The following TUSC3 variants were observed in gnomAD, a reference collection of about 807,000 sequenced individuals.
TUSC3 encodes the protein tumor suppressor candidate 3.
A neutral mutation model predicts 44.8 loss-of-function variants in TUSC3; 45 were observed. That is an observed-to-expected ratio of 1.00 (90% confidence interval 0.79 to 1.29). The LOEUF (loss-of-function observed/expected upper bound fraction) is 1.29, where lower values mean the gene tolerates loss of function less well. TUSC3 is among the 50% of genes most tolerant of loss of function. TUSC3 has a pLI of 0.00. For missense variants in TUSC3, 519 were observed against 437.9 expected (o/e 1.19, Z -1.65); for synonymous variants, 212 against 152.9 (o/e 1.39, Z -2.85).
chr8:15,526,381 T>TA (rs1171919899), intron 2 of TUSC3, among the ~76,000 whole-genome samples: 7 of 152,120 alleles, frequency 4.6e-5, no homozygotes, highest in Admixed American at 4.6e-4. Flanking sequence ...GGGAAACTAG[T>TA]AAAGATTTTC....
intron 1 of TUSC3, among the ~76,000 whole-genome samples, chr8:15,449,865 T>C (rs78901497): frequency 0.053 from 8,116 of 152,282 alleles, 280 homozygotes; most frequent in Non-Finnish European, 0.078. Flanking sequence ...CTGTACCTTT[T>C]TTATGTCTAG....
chr8:15,820,124 TC>T, the TUSC3 span, among the ~76,000 whole-genome samples: 1 of 152,176 alleles, frequency 6.6e-6, no homozygotes, highest in Non-Finnish European at 1.5e-5. Flanking sequence ...ATATCCCACT[TC>T]TTTATTCTGT....
intron 3 of TUSC3, 196 bp downstream of exon 3, chr8:15,651,010 C>A (rs73195129): frequency 7.2e-6 from 4 of 558,128 alleles, no homozygotes; most frequent in Admixed American, 2.9e-5. Context: ...CACACACACA[C>A]ACACACACAC....
chr8:15,780,756 A>G, the TUSC3 span, among the ~76,000 whole-genome samples: 4 of 152,132 alleles, frequency 2.6e-5, no homozygotes, highest in East Asian at 1.9e-4. Flanking sequence ...TGTGTGGGCA[A>G]TGAGCACCCC....
At chr8:15,618,022 T>A (rs78307159) in intron 1 of TUSC3, among the ~76,000 whole-genome samples, 2,931 of 152,288 alleles carry the variant, frequency 0.019, 94 homozygotes, top group African/African-American at 0.066. Flanking sequence ...TTTATGTATC[T>A]AACCACGTCT....
chr8:15,473,407 G>GA (rs1563260331), intron 1 of TUSC3, among the ~76,000 whole-genome samples: 1 of 152,136 alleles, frequency 6.6e-6, no homozygotes, highest in East Asian at 1.9e-4. Flanking sequence ...AAATACTATA[G>GA]AAAAAACTTG....
At chr8:15,464,843 A>G (rs976176899) in intron 1 of TUSC3, among the ~76,000 whole-genome samples, 1 of 152,038 alleles carries the variant, frequency 6.6e-6, no homozygotes, top group Non-Finnish European at 1.5e-5. Flanking sequence ...ACTTCTTGGA[A>G]TCCTTGAAGA....
rs368421691 is a variant in TUSC3, at chr8:15,659,511, A to G, written c.431A>G (p.Asn144Ser). 5 of 1,612,366 alleles carry G rather than the reference A, an allele frequency of 3.1e-6. No homozygotes were observed. The highest frequency in any genetic ancestry group is 1.1e-5 in the South Asian group (1 of 91,074). Residue 144 changes from asparagine (N) to serine (S), a missense_variant, in exon 4 of 11, where the codon AAC becomes AGC. Transcript: ENST00000503731. ...TTTTTTTCTCATGTTTTACAGCTCA[A>G]CATGAACTCTGCTCCTACATTCATG... ...DEGTDVFQQL[N>S]MNSAPTFMHF...
intron 1 of TUSC3, among the ~76,000 whole-genome samples, chr8:15,455,005 G>C (rs1421831763): frequency 6.6e-6 from 1 of 152,140 alleles, no homozygotes; most frequent in Non-Finnish European, 1.5e-5. Flanking sequence ...AAACCATGGG[G>C]AATCTTAGGG....
intron 1 of TUSC3, among the ~76,000 whole-genome samples, chr8:15,597,655 T>C (rs1804126063): frequency 6.6e-6 from 1 of 152,096 alleles, no homozygotes; most frequent in African/African-American, 2.4e-5. Flanking sequence ...TAAATACACA[T>C]TGATATTAGA....
At chr8:15,620,955 T>A (rs1448481104) in intron 1 of TUSC3, among the ~76,000 whole-genome samples, 3 of 152,104 alleles carry the variant, frequency 2.0e-5, no homozygotes, top group African/African-American at 7.2e-5. Context: ...ATTGTAGAAA[T>A]TCAAAGAGTA....
intron 1 of TUSC3, among the ~76,000 whole-genome samples, chr8:15,418,352 AT>A (rs373528425): frequency 0.011 from 1,637 of 152,032 alleles, 31 homozygotes; most frequent in African/African-American, 0.038. Flanking sequence ...TAGATGACGC[AT>A]TTTTTTTCAA....
At chr8:15,817,711 G>A in the TUSC3 span, among the ~76,000 whole-genome samples, 1 of 152,178 alleles carries the variant, frequency 6.6e-6, no homozygotes, top group Non-Finnish European at 1.5e-5. Context: ...CTGTAGAACT[G>A]TGAGTCAATT....
intron 1 of TUSC3, among the ~76,000 whole-genome samples, chr8:15,422,516 G>A (rs1475868339): frequency 8.5e-5 from 13 of 152,120 alleles, no homozygotes; most frequent in Admixed American, 8.5e-4. Flanking sequence ...TGTACAATAA[G>A]GTGACTATAG....
chr8:15,701,169 C>T (rs1167936556), intron 6 of TUSC3, among the ~76,000 whole-genome samples: 2 of 152,154 alleles, frequency 1.3e-5, no homozygotes, highest in East Asian at 3.9e-4. Context: ...TCTTAAATGC[C>T]TATTTTAATA....
At chr8:15,548,474 T>C (rs1801949736) in intron 1 of TUSC3, among the ~76,000 whole-genome samples, 1 of 151,824 alleles carries the variant, frequency 6.6e-6, no homozygotes, top group African/African-American at 2.4e-5. Context: ...ATCCTGTCTT[T>C]GGAGTGTGTG....
At chr8:15,625,572 C>G (rs549207565) in intron 2 of TUSC3, among the ~76,000 whole-genome samples, 3 of 152,290 alleles carry the variant, frequency 2.0e-5, no homozygotes, top group Admixed American at 2.0e-4. Flanking sequence ...TGTTCAAGAG[C>G]AAACACATTT....
chr8:15,638,416 C>T lies in TUSC3; in HGVS notation c.309-12281C>T, dbSNP rs535470815. ...TGGTTATCATTATCCTACAGGAACT[C>T]AGTAATTGTCGCGTATAGTTTTAAT... On this transcript the variant is annotated intron_variant, in intron 2 of 10. Coordinates refer to ENST00000503731, the MANE Select transcript of TUSC3 (RefSeq NM_006765.4). Among the ~76,000 whole-genome samples, 7 of 151,526 alleles carry T rather than the reference C, an allele frequency of 4.6e-5. No individual in the cohort carries two copies. In the East Asian group the frequency reaches 1.2e-3, roughly 25 times the overall value.
chr8:15,557,059 T>G (rs62504176), intron 1 of TUSC3, among the ~76,000 whole-genome samples: 16,348 of 102,924 alleles, frequency 0.16, 1,341 homozygotes, highest in East Asian at 0.18. Context: ...TTTTGGTGTT[T>G]TAGACATGAA....
Sources: allele counts gnomAD v4.1 joint callset (sites outside exome capture counted in the v4.1 genomes callset), GRCh38; gene constraint gnomAD v4.1.1; transcripts MANE v1.5; gene names NCBI Gene and HGNC (gene_info 2026-07-23, HGNC 2026-07-21).